The following CTCF variants were observed in gnomAD, a reference collection of about 807,000 sequenced individuals.
CTCF encodes transcriptional repressor CTCF.
CTCF carries 7 observed loss-of-function variants against 72.3 expected under a neutral mutation model. The observed-to-expected ratio is 0.10, with a 90% CI of 0.06 to 0.18. The LOEUF is 0.18. CTCF is among the 10% of genes least tolerant of loss of function. CTCF has a pLI of 1.00. For synonymous variants in CTCF, 374 were observed against 315.8 expected (o/e 1.18, Z -1.95); for missense variants, 516 against 949.1 (o/e 0.54, Z 6.00).
In CTCF at chr16:67,637,891, C is replaced by A; in HGVS notation, c.*19C>A. On this transcript the variant is annotated 3_prime_UTR_variant, in exon 12 of 12. Transcript: ENST00000264010. The stretch of plus-strand genomic sequence containing the variant: ...CCGGTGATGGCGGAGCCTTGTGCGT[C>A]GCCAGGACTTCTCTGGGCTGTGTTT... The A allele has an allele frequency of 6.3e-7, 1 of 1,589,962 alleles. No individual in the cohort carries two copies.
At chr16:67,636,513 A>T (rs2052430193) in intron 10 of CTCF, among the ~76,000 whole-genome samples, 177 bp from the exon 11 acceptor site, 1 of 148,786 alleles carries the variant, frequency 6.7e-6, no homozygotes, top group Non-Finnish European at 1.5e-5. Flanking sequence ...GCGCCACTGC[A>T]CTCCAGCCTG....
intron 2 of CTCF, among the ~76,000 whole-genome samples, chr16:67,606,208 C>T (rs2051970818): frequency 6.6e-6 from 1 of 152,150 alleles, no homozygotes; most frequent in African/African-American, 2.4e-5. Flanking sequence ...CTTTTTCTTA[C>T]TCATAACTAA....
Position 67,611,010 on chromosome 16 carries a change from A to G in CTCF, c.178A>G (p.Met60Val), listed in dbSNP as rs760579994. The G allele has an allele frequency of 3.7e-6, 6 of 1,613,996 alleles. No homozygotes were observed. The highest frequency in any genetic ancestry group is 5.1e-6 in the Non-Finnish European group (6 of 1,179,888). ...CCAGGATGTCAACAGCAGTGTACAGATGGTGATGATGGAACAGCTGGACCC... is the reference window on the plus strand; with the variant it reads ...CCAGGATGTCAACAGCAGTGTACAGGTGGTGATGATGGAACAGCTGGACCC... ...VVQDVNSSVQ[M>V]VMMEQLDPTL... is the part of the protein sequence containing the mutation. Residue 60 changes from methionine (M) to valine (V), a missense_variant, in exon 3 of 12, where the codon ATG (methionine) becomes GTG (valine). Met to Val is a conservative substitution (Grantham distance 21, BLOSUM62 1). This residue lies in a region of CTCF where 148 missense variants were observed against 194.9 expected (regional missense o/e 0.76). Coordinates refer to ENST00000264010, the MANE Select transcript of CTCF (RefSeq NM_006565.4).
At chr16:67,586,330 T>C (rs2051668010) in intron 2 of CTCF, among the ~76,000 whole-genome samples, 1 of 152,050 alleles carries the variant, frequency 6.6e-6, no homozygotes, top group South Asian at 2.1e-4. Flanking sequence ...AGGTCAAGAA[T>C]TCGAGACCAG....
intron 4 of CTCF, chr16:67,615,154 G>A (rs2142836200): frequency 6.6e-6 from 1 of 152,248 alleles, no homozygotes; most frequent in African/African-American, 2.4e-5. Flanking sequence ...AAAAAAAAGA[G>A]GATGGGCCTT....
chr16:67,579,003 C>A (rs1391278295), intron 2 of CTCF, among the ~76,000 whole-genome samples: 2 of 146,540 alleles, frequency 1.4e-5, no homozygotes, highest in East Asian at 2.1e-4. Flanking sequence ...GCCTGTAATC[C>A]CAGCACTTTG....
At position 67,629,514 on chromosome 16, in the gene CTCF, A is replaced by C. The variant is rs751533979; in HGVS notation, c.1818A>C (p.Lys606Asn). 1 of 1,613,214 alleles carries C rather than the reference A, an allele frequency of 6.2e-7. No homozygotes were observed. The highest frequency in any genetic ancestry group is 1.3e-5 in the African/African-American group (1 of 74,798). Reference protein sequence around the residue: ...RGRKRKMRSKKEDSSDSENAE... With the variant: ...RGRKRKMRSKNEDSSDSENAE... Reference sequence around the variant, plus strand: ...GAAAAAGAAAGATGCGCTCTAAGAAAGAAGATTCCTCTGACAGTGGTAAGT... The same window carrying C: ...GAAAAAGAAAGATGCGCTCTAAGAACGAAGATTCCTCTGACAGTGGTAAGT... Residue 606 changes from lysine (K) to asparagine (N), a missense_variant, in exon 10 of 12, where the codon AAA becomes AAC. By Grantham distance (94) the Lys-to-Asn change is moderately conservative (BLOSUM62 0). Coordinates refer to ENST00000264010, the MANE Select transcript of CTCF (RefSeq NM_006565.4).
intron 2 of CTCF, among the ~76,000 whole-genome samples, chr16:67,582,401 T>TA (rs2142744801): frequency 6.6e-6 from 1 of 151,774 alleles, no homozygotes; most frequent in East Asian, 2.0e-4. Context: ...ATTTCTAAAA[T>TA]ACGAGCATTG....
chr16:67,580,110 T>C (rs929992508), intron 2 of CTCF, among the ~76,000 whole-genome samples: 2 of 152,216 alleles, frequency 1.3e-5, no homozygotes, highest in South Asian at 2.1e-4. Context: ...GGAAACTGTT[T>C]AGAAGGCCAT....
At chr16:67,568,843 T>A (rs1035008997) in intron 1 of CTCF, among the ~76,000 whole-genome samples, 6 of 140,372 alleles carry the variant, frequency 4.3e-5, no homozygotes, top group Admixed American at 1.4e-4. Context: ...ATTTGGAAAC[T>A]CTTTTTTTTT....
At chr16:67,566,876 GGTTT>G (rs199938359) in intron 1 of CTCF, among the ~76,000 whole-genome samples, 6,320 of 150,372 alleles carry the variant, frequency 0.042, 136 homozygotes, top group Middle Eastern at 0.058. Flanking sequence ...CGGCCTGTGG[GGTTT>G]GTTTGTTTGT....
intron 10 of CTCF, among the ~76,000 whole-genome samples, chr16:67,631,852 C>A (rs1050678162): frequency 6.6e-6 from 1 of 151,776 alleles, no homozygotes; most frequent in African/African-American, 2.4e-5. Flanking sequence ...GCAGGCAGAT[C>A]ACCTTAGCTC....
Position 67,626,617 on chromosome 16 carries a change from G to A in CTCF, c.1420G>A (p.Ala474Thr). The A allele has an allele frequency of 6.3e-7, 1 of 1,577,536 alleles. No individual in the cohort carries two copies. The highest frequency in any genetic ancestry group is 1.9e-5 in the Admixed American group (1 of 53,330). Residue 474 changes from alanine to threonine, a missense_variant, in exon 8 of 12, where the codon GCT becomes ACT. Transcript: ENST00000264010. ...EQGKKCRYCD[A>T]VFHERYALIQ... ...AGGCAAGAAATGCCGTTACTGTGAT[G>A]CTGTGTTTCATGAGCGCTATGCCCT...
intron 1 of CTCF, among the ~76,000 whole-genome samples, chr16:67,564,683 T>A (rs933170394): frequency 9.9e-5 from 15 of 152,228 alleles, no homozygotes; most frequent in African/African-American, 3.4e-4. Context: ...GTTTTATTTA[T>A]TTAAATAAGC....
chr16:67,607,267 T>A (rs1441790299), intron 2 of CTCF, among the ~76,000 whole-genome samples: 1 of 151,712 alleles, frequency 6.6e-6, no homozygotes, highest in Non-Finnish European at 1.5e-5. Context: ...CCTATTTTAC[T>A]CTTGTTTAGG....
intron 8 of CTCF, chr16:67,627,842 G>A (rs2052311521): frequency 6.6e-6 from 1 of 152,240 alleles, no homozygotes; most frequent in Admixed American, 6.5e-5. Flanking sequence ...CGGAGGCTGA[G>A]GCAGGTGAAT....
chr16:67,590,616 C>T (rs1567599410), intron 2 of CTCF, among the ~76,000 whole-genome samples: 7 of 151,670 alleles, frequency 4.6e-5, no homozygotes, highest in Admixed American at 1.3e-4. Context: ...GGATTACAGG[C>T]GTGAGCCACC....
intron 1 of CTCF, among the ~76,000 whole-genome samples, chr16:67,564,833 C>T (rs2051321561): frequency 6.6e-6 from 1 of 152,296 alleles, no homozygotes; most frequent in South Asian, 2.1e-4. Flanking sequence ...TCATCAGCTT[C>T]TTGGGTTTAT....
intron 2 of CTCF, among the ~76,000 whole-genome samples, chr16:67,598,787 C>A (rs1208072145): frequency 2.0e-5 from 3 of 152,200 alleles, no homozygotes; most frequent in African/African-American, 7.2e-5. Flanking sequence ...TGGCATAATT[C>A]TGGGATAAAG....
Sources: allele counts gnomAD v4.1 joint callset (sites outside exome capture counted in the v4.1 genomes callset), GRCh38; gene constraint gnomAD v4.1.1; regional missense constraint gnomAD v4.1.1; transcripts MANE v1.5; gene names NCBI Gene and HGNC (gene_info 2026-07-23, HGNC 2026-07-21).